FARSB: variants seen among roughly 807,000 people sequenced by gnomAD.
FARSB encodes the protein phenylalanine--tRNA ligase beta subunit.
A neutral mutation model predicts 69.6 loss-of-function variants in FARSB; 40 were observed. The observed-to-expected ratio is 0.57, with a 90% CI of 0.45 to 0.75. FARSB has a LOEUF of 0.75. Among genes scored for constraint, FARSB ranks in the 30% least tolerant of loss-of-function variants. The pLI is 0.00. For missense variants in FARSB, 632 were observed against 722.9 expected (o/e 0.87, Z 1.44); for synonymous variants, 235 against 247.2 (o/e 0.95, Z 0.46).
intron 7 of FARSB, 32 bp downstream of exon 7, chr2:222,633,167 C>G (rs772985567): frequency 9.6e-7 from 1 of 1,038,586 alleles, no homozygotes; most frequent in Non-Finnish European, 1.5e-6. Context: ...AAGGAAACAG[C>G]AAAGATCTGT....
chr2:222,637,807 C>A (rs926780082), intron 5 of FARSB, among the ~76,000 whole-genome samples: 1 of 151,894 alleles, frequency 6.6e-6, no homozygotes, highest in African/African-American at 2.4e-5. Context: ...AAAGCAAGAC[C>A]CCTGTCTCTA....
intron 5 of FARSB, among the ~76,000 whole-genome samples, chr2:222,634,870 C>A (rs1691539409): frequency 6.6e-6 from 1 of 152,136 alleles, no homozygotes; most frequent in Non-Finnish European, 1.5e-5. Flanking sequence ...TTAGCATTTC[C>A]TTTACCTCTT....
intron 5 of FARSB, among the ~76,000 whole-genome samples, chr2:222,636,385 CAA>C (rs34295305): frequency 9.3e-5 from 9 of 96,686 alleles, no homozygotes; most frequent in Admixed American, 1.2e-4. Context: ...GACTCTATCT[CAA>C]AAAAAAAAAA....
chr2:222,611,448 C>CG (rs200111875), intron 15 of FARSB, among the ~76,000 whole-genome samples: 6,516 of 28,320 alleles, frequency 0.23, 349 homozygotes, highest in African/African-American at 0.42. Context: ...TTTGGGGGGG[C>CG]GGGGGGGCGC....
intron 16 of FARSB, among the ~76,000 whole-genome samples, chr2:222,586,070 C>T (rs140417656): frequency 5.4e-4 from 82 of 152,184 alleles, no homozygotes; most frequent in African/African-American, 1.9e-3. Context: ...GTCAGATTCA[C>T]CAAGGGTGAA....
intron 16 of FARSB, among the ~76,000 whole-genome samples, chr2:222,588,052 CA>C (rs1207612302): frequency 1.3e-5 from 2 of 151,224 alleles, no homozygotes; most frequent in Non-Finnish European, 3.0e-5. Context: ...AGAGACACAA[CA>C]AAAAAAAAGA....
At chr2:222,600,160 A>AG (rs1375857579) in intron 15 of FARSB, 77 bp from the exon 16 acceptor site, 1 of 1,225,798 alleles carries the variant, frequency 8.2e-7, no homozygotes, top group Non-Finnish European at 1.1e-6. Flanking sequence ...GTACAAACTT[A>AG]GAAAAAGTCA....
intron 16 of FARSB, among the ~76,000 whole-genome samples, chr2:222,574,584 G>T (rs1285956131): frequency 6.6e-6 from 1 of 152,092 alleles, no homozygotes; most frequent in African/African-American, 2.4e-5. Context: ...ACGTAAAAAG[G>T]AAGCATGCTG....
chr2:222,610,143 T>C (rs1269071568), intron 15 of FARSB, among the ~76,000 whole-genome samples: 1 of 152,172 alleles, frequency 6.6e-6, no homozygotes, highest in Non-Finnish European at 1.5e-5. Flanking sequence ...CTTAAAAATC[T>C]TTTCCACCAA....
chr2:222,635,546 G>C (rs911340674), intron 5 of FARSB, among the ~76,000 whole-genome samples: 1 of 152,160 alleles, frequency 6.6e-6, no homozygotes, highest in East Asian at 1.9e-4. Context: ...AAATATGCAT[G>C]GTTTGATAAA....
intron 14 of FARSB, among the ~76,000 whole-genome samples, chr2:222,617,973 C>G (rs1691041035): frequency 6.6e-6 from 1 of 152,060 alleles, no homozygotes; most frequent in South Asian, 2.1e-4. Context: ...TTCGAATAAG[C>G]AAAAATCCAT....
chr2:222,602,213 T>A (rs1483398029), intron 15 of FARSB, among the ~76,000 whole-genome samples: 1 of 152,168 alleles, frequency 6.6e-6, no homozygotes, highest in Non-Finnish European at 1.5e-5. Context: ...AGATAGTAGT[T>A]GTCTGGGATT....
chr2:222,655,998 T>C lies in FARSB; in HGVS notation c.58+18A>G, dbSNP rs1375780319. The C allele has an allele frequency of 6.3e-7, 1 of 1,579,256 alleles. No individual in the cohort carries two copies. Among genetic ancestry groups the C allele is most frequent in the Non-Finnish European group, 8.6e-7 (1 of 1,157,168 alleles). On this transcript the variant is annotated intron_variant, in intron 1 of 16. Coordinates refer to ENST00000281828, the MANE Select transcript of FARSB (RefSeq NM_005687.5). ...CCGAGAAGAGGCGTAGGGCCCAACG[T>C]ATAGGGCCGCCACTCACTGTAGGTG... is the stretch of plus-strand genomic sequence containing the variant.
intron 16 of FARSB, among the ~76,000 whole-genome samples, chr2:222,592,592 T>A (rs1189950317): frequency 6.6e-6 from 1 of 151,482 alleles, no homozygotes; most frequent in Non-Finnish European, 1.5e-5. Flanking sequence ...CCTTGAAAGA[T>A]CACAAGCTAA....
chr2:222,643,846 C>T (rs1691782810), intron 2 of FARSB, among the ~76,000 whole-genome samples: 3 of 152,184 alleles, frequency 2.0e-5, no homozygotes, highest in Non-Finnish European at 2.9e-5. Context: ...ATCTCAAGCA[C>T]CACACTACAG....
intron 9 of FARSB, among the ~76,000 whole-genome samples, chr2:222,629,115 G>A (rs1691352606): frequency 6.6e-6 from 1 of 151,976 alleles, no homozygotes; most frequent in African/African-American, 2.4e-5. Context: ...TACTTGAAAG[G>A]TTTATTTTCC....
chr2:222,590,779 G>T (rs762896928), intron 16 of FARSB, among the ~76,000 whole-genome samples: 2 of 152,102 alleles, frequency 1.3e-5, no homozygotes, highest in Non-Finnish European at 2.9e-5. Flanking sequence ...GTGGGTGAGG[G>T]TACCAATGAA....
At chr2:222,638,854 G>C (rs1326949334) in intron 5 of FARSB, among the ~76,000 whole-genome samples, 1 of 152,188 alleles carries the variant, frequency 6.6e-6, no homozygotes, top group African/African-American at 2.4e-5. Context: ...AACTTATGCT[G>C]ATCTATTTCA....
chr2:222,634,479 T>C lies in FARSB; in HGVS notation c.518A>G (p.Tyr173Cys), dbSNP rs747606623. 1.4e-5 allele frequency: 23 copies of C among 1,612,724 alleles called. No homozygotes were observed. The highest frequency in any genetic ancestry group is 3.3e-5 in the Admixed American group (2 of 59,902). ...DLDTLSGPFT[Y>C]TAKRPSDIKF... ...GATATCTGAAGGACGCTTTGCAGTATAAGTAAATGGGCCCGACAAAGTGTC... is the reference window on the plus strand; with the variant it reads ...GATATCTGAAGGACGCTTTGCAGTACAAGTAAATGGGCCCGACAAAGTGTC... The change falls in exon 6 of 17, where the codon TAT (tyrosine) becomes TGT (cysteine). Residue 173 changes from tyrosine to cysteine, a missense_variant. Tyr to Cys is a radical substitution (Grantham distance 194, BLOSUM62 -2). Coordinates refer to ENST00000281828, the MANE Select transcript of FARSB (RefSeq NM_005687.5).
Sources: gnomAD v4.1 joint callset for allele counts (sites outside exome capture counted in the v4.1 genomes callset) on GRCh38, gnomAD v4.1.1 for gene constraint, MANE v1.5 for transcripts, NCBI Gene and HGNC (gene_info 2026-07-23, HGNC 2026-07-21) for gene names.